SLC15A2: variants seen among roughly 807,000 people sequenced by gnomAD.
SLC15A2 encodes kidney H(+)/peptide cotransporter.
Under a neutral mutation model 95.5 loss-of-function variants are expected in SLC15A2, and 77 were observed. That is an observed-to-expected ratio of 0.81 (90% confidence interval 0.67 to 0.97). The LOEUF is 0.97. SLC15A2 is among the 50% of genes least tolerant of loss of function. The pLI is 0.00. For synonymous variants in SLC15A2, 306 were observed against 306.9 expected, an observed-to-expected ratio of 1.00 and a Z score of 0.03; for missense variants, 893 against 874.4, an observed-to-expected ratio of 1.02 and a Z score of -0.27.
intron 21 of SLC15A2, 145 bp downstream of exon 21, chr3:121,940,633 G>T: frequency 2.4e-6 from 2 of 840,668 alleles, no homozygotes; most frequent in Non-Finnish European, 1.9e-6. Context: ...ACTTTACCAG[G>T]AAAATAGACA....
chr3:121,939,338 C>T lies in SLC15A2; in HGVS notation c.1762-11C>T. The T allele has an allele frequency of 6.7e-7, 1 of 1,492,390 alleles. No homozygotes were observed. Among genetic ancestry groups the T allele is most frequent in the Non-Finnish European group, 8.9e-7 (1 of 1,119,912 alleles). The allele number at this position is 1,492,390 out of a possible 1,614,324, so 92.4% of individuals were successfully genotyped here. The stretch of plus-strand genomic sequence containing the variant: ...ACTGACAAGTCCATTTCCATTTTCT[C>T]TTTCCCTAAGAACACCAATCAGGGT... On this transcript the variant is annotated splice_polypyrimidine_tract_variant and intron_variant, in intron 19 of 21. Coordinates refer to ENST00000489711, the MANE Select transcript of SLC15A2 (RefSeq NM_021082.4).
chr3:121,915,344 A>G, intron 6 of SLC15A2, 27 bp downstream of exon 6: 1 of 1,503,344 alleles, frequency 6.7e-7, no homozygotes, highest in Non-Finnish European at 9.3e-7. Context: ...GGGGCCCTGT[A>G]TAAGGCTTTG....
Position 121,913,068 on chromosome 3 carries a change from G to A in SLC15A2, c.476G>A (p.Gly159Asp). The A allele has an allele frequency of 6.2e-7, 1 of 1,613,888 alleles. No homozygotes were observed. The change falls in exon 5 of 22, where the codon GGC becomes GAC. Residue 159 changes from glycine to aspartate, a missense_variant. Coordinates refer to ENST00000489711, the MANE Select transcript of SLC15A2 (RefSeq NM_021082.4). Reference sequence around the variant, plus strand: ...AGTCTAATAGCTTTGGGGACAGGAGGCATCAAACCCTGTGTGGCAGCTTTT... The same window carrying A: ...AGTCTAATAGCTTTGGGGACAGGAGACATCAAACCCTGTGTGGCAGCTTTT... ...GLSLIALGTG[G>D]IKPCVAAFGG...
intron 7 of SLC15A2, among the ~76,000 whole-genome samples, chr3:121,919,828 A>G (rs371751733): frequency 9.8e-5 from 15 of 152,378 alleles, no homozygotes; most frequent in African/African-American, 3.6e-4. Flanking sequence ...GGAATAATCC[A>G]GTGGAGAAAG....
At chr3:121,901,708 A>G (rs1480549934) in intron 3 of SLC15A2, among the ~76,000 whole-genome samples, 5 of 151,532 alleles carry the variant, frequency 3.3e-5, no homozygotes, top group Non-Finnish European at 7.4e-5. Flanking sequence ...AAAAGACAAG[A>G]CTCTTCCTTT....
rs11922812 is a variant in SLC15A2, at chr3:121,924,905, A to G, written c.1036-40A>G. On this transcript the variant is annotated intron_variant, in intron 12 of 21. Coordinates refer to ENST00000489711, the MANE Select transcript of SLC15A2 (RefSeq NM_021082.4). ...GTGCAGTGCTCACACTCATGATAGGAGAATATTTGTAGCTAATCCTTTTTA... is the reference window on the plus strand; with the variant it reads ...GTGCAGTGCTCACACTCATGATAGGGGAATATTTGTAGCTAATCCTTTTTA... The G allele has an allele frequency of 3.1e-3, 4,296 of 1,392,518 alleles. 106 individuals are homozygous for G. In the African/African-American group the frequency reaches 0.055, roughly 18 times the overall value. 86.3% of individuals were successfully genotyped at this position (1,392,518 alleles called of 1,614,324 possible). A position where few individuals can be genotyped will look rare whatever the true frequency, so the allele number is the denominator to read the frequency against.
At position 121,930,702 on chromosome 3, in the gene SLC15A2, G is replaced by A. The variant is rs1710215340; in HGVS notation, c.1554-138G>A. 5.1e-6 allele frequency: 3 copies of A among 588,784 alleles called. No individual in the cohort carries two copies. The East Asian group carries it at 8.5e-5, about 17-fold the overall frequency. The allele number at this position is 588,784 out of a possible 1,614,324, so 36.5% of individuals were successfully genotyped here. A position where few individuals can be genotyped will look rare whatever the true frequency, so the allele number is the denominator to read the frequency against. On this transcript the variant is annotated intron_variant, in intron 17 of 21. Transcript: ENST00000489711. Reference sequence around the variant, plus strand: ...TCGTCTAGTTAACAATATACATTAGGTACCTTTTATGTGCCAGCCACTATC... The same window carrying A: ...TCGTCTAGTTAACAATATACATTAGATACCTTTTATGTGCCAGCCACTATC...
intron 3 of SLC15A2, among the ~76,000 whole-genome samples, chr3:121,898,236 G>A (rs1709458296): frequency 6.6e-6 from 1 of 151,326 alleles, no homozygotes; most frequent in Admixed American, 6.6e-5. Context: ...TCTCCAGATT[G>A]AGTTATCCCA....
Position 121,911,691 on chromosome 3 carries a change from A to G in SLC15A2, c.428+25A>G, listed in dbSNP as rs200983585. ...CGTGAGTAAAATCATGGAATCAACTAAACTACTTTTCTCAGACATTTGTTA... is the reference window on the plus strand; with the variant it reads ...CGTGAGTAAAATCATGGAATCAACTGAACTACTTTTCTCAGACATTTGTTA... On this transcript the variant is annotated intron_variant, in intron 4 of 21. Transcript: ENST00000489711. 14 of 1,387,964 alleles carry G rather than the reference A, an allele frequency of 1.0e-5. No individual in the cohort carries two copies. The African/African-American group carries it at 1.4e-4, about 14-fold the overall frequency. The allele number at this position is 1,387,964 out of a possible 1,614,324, so 86.0% of individuals were successfully genotyped here.
intron 3 of SLC15A2, among the ~76,000 whole-genome samples, chr3:121,902,772 G>A (rs909981162): frequency 1.6e-4 from 24 of 152,282 alleles, no homozygotes; most frequent in Middle Eastern, 3.4e-3. Flanking sequence ...ATGGACATTT[G>A]GCTTGGTTGC....
intron 19 of SLC15A2, among the ~76,000 whole-genome samples, chr3:121,933,642 A>T (rs1710277824): frequency 6.7e-6 from 1 of 149,858 alleles, no homozygotes; most frequent in Admixed American, 6.7e-5. Flanking sequence ...GTTTGAGTTC[A>T]TTGTAGATTC....
At chr3:121,903,063 G>A (rs982967200) in intron 3 of SLC15A2, among the ~76,000 whole-genome samples, 1 of 152,178 alleles carries the variant, frequency 6.6e-6, no homozygotes, top group Non-Finnish European at 1.5e-5. Flanking sequence ...GTGTGAGATG[G>A]TATCTCATTG....
At chr3:121,939,558 T>A in intron 20 of SLC15A2, 63 bp downstream of exon 20, 1 of 1,380,900 alleles carries the variant, frequency 7.2e-7, no homozygotes, top group Non-Finnish European at 9.6e-7. Flanking sequence ...GAATTTTAAT[T>A]CTAGCACTGA....
intron 1 of SLC15A2, among the ~76,000 whole-genome samples, chr3:121,895,025 C>T (rs918102501): frequency 1.3e-5 from 2 of 152,150 alleles, no homozygotes; most frequent in Non-Finnish European, 2.9e-5. Flanking sequence ...TATGTGTTCC[C>T]AGTTTACTGT....
rs775432666 is a variant in SLC15A2, at chr3:121,927,791, AGC to A, written c.1159_1160del (p.Ala387MetfsTer16). ...GGAAAATGGCTGTTGGTATGATCCT[AGC>A]ATGCCTGGCATTTGCAGTTGCGGCA... ...LRKMAVGMIL[A>X]CLAFAVAAAV... On this transcript the variant is annotated frameshift_variant, in exon 14 of 22. Transcript: ENST00000489711. LOFTEE classifies it high-confidence loss of function. 9.3e-6 allele frequency: 15 copies of A among 1,613,814 alleles called. No individual in the cohort carries two copies. The highest frequency in any genetic ancestry group is 1.2e-5 in the Non-Finnish European group (14 of 1,179,808).
chr3:121,931,907 TA>T (rs1282341832), intron 19 of SLC15A2, among the ~76,000 whole-genome samples, 172 bp downstream of exon 19: 2 of 152,186 alleles, frequency 1.3e-5, no homozygotes, highest in African/African-American at 4.8e-5. Flanking sequence ...TTTTTATTTT[TA>T]TTTTTTTTGA....
chr3:121,934,446 TG>T (rs1168284724), intron 19 of SLC15A2, among the ~76,000 whole-genome samples: 2 of 152,122 alleles, frequency 1.3e-5, no homozygotes, highest in Non-Finnish European at 2.9e-5. Flanking sequence ...CCTTGAGCAG[TG>T]GATTGTAGTT....
In SLC15A2 at chr3:121,923,053, T is replaced by C. The variant is rs1330062357; in HGVS notation, c.881T>C (p.Met294Thr). 3 of 1,613,872 alleles carry C rather than the reference T, an allele frequency of 1.9e-6. No homozygotes were observed. Among genetic ancestry groups the C allele is most frequent in the South Asian group, 2.2e-5 (2 of 91,060 alleles). Reference protein sequence around the residue: ...AAEKYPKQLIMDVKALTRVLF... With the variant: ...AAEKYPKQLITDVKALTRVLF... ...TCCTTTTCGCAGAAGCAGCTCATTA[T>C]GGATGTAAAGGCACTGACCAGGGTA... is the stretch of plus-strand genomic sequence containing the variant. The change falls in exon 10 of 22, where the codon ATG (methionine) becomes ACG (threonine). Residue 294 changes from methionine to threonine, a missense_variant. By Grantham distance (81) the Met-to-Thr change is moderately conservative (BLOSUM62 -1). Transcript: ENST00000489711.
At chr3:121,922,898 A>G in intron 9 of SLC15A2, 37 bp downstream of exon 9, 1 of 1,581,042 alleles carries the variant, frequency 6.3e-7, no homozygotes, top group Non-Finnish European at 8.7e-7. Context: ...ATGGCTTGAT[A>G]GAGTCTTTCC....
Sources: gnomAD v4.1 joint callset for allele counts (sites outside exome capture counted in the v4.1 genomes callset) on GRCh38, gnomAD v4.1.1 for gene constraint, MANE v1.5 for transcripts, NCBI Gene and HGNC (gene_info 2026-07-23, HGNC 2026-07-21) for gene names.